The following ANKS1B variants were observed in gnomAD, a reference collection of about 807,000 sequenced individuals.
ANKS1B encodes ankyrin repeat and sterile alpha motif domain-containing protein 1B.
ANKS1B carries 36 observed loss-of-function variants against 148.3 expected under a neutral mutation model. The observed-to-expected ratio is 0.24, with a 90% confidence interval of 0.19 to 0.32. The LOEUF (loss-of-function observed/expected upper bound fraction) is 0.32, where lower values mean the gene tolerates loss of function less well. ANKS1B is among the 10% of genes least tolerant of loss of function. The probability of loss-of-function intolerance (pLI) is 1.00; values close to 1 mark genes in which losing one functional copy is unlikely to be tolerated. For missense variants in ANKS1B, 1,157 were observed against 1,542.6 expected (o/e 0.75, Z 4.19); for synonymous variants, 542 against 560.8 (o/e 0.97, Z 0.47).
chr12:99,168,301 G>A (rs1276997387), intron 14 of ANKS1B, among the ~76,000 whole-genome samples: 1 of 152,192 alleles, frequency 6.6e-6, no homozygotes, highest in African/African-American at 2.4e-5. Context: ...TGGATCGCCT[G>A]AGGTCAAGAG....
chr12:99,847,883 G>T (rs1047195475), intron 1 of ANKS1B, among the ~76,000 whole-genome samples: 5 of 152,060 alleles, frequency 3.3e-5, no homozygotes, highest in African/African-American at 1.2e-4. Flanking sequence ...CTTTCCCTTT[G>T]CTTGACCTAC....
chr12:99,655,164 T>C lies in ANKS1B; in HGVS notation c.1175A>G (p.Glu392Gly). Residue 392 changes from glutamate (E) to glycine (G), a missense_variant, in exon 9 of 27, where the codon GAG (glutamate) becomes GGG (glycine). This residue lies in a region of ANKS1B where 661 missense variants were observed against 642.1 expected (regional missense o/e 1.03). Transcript: ENST00000683438. ...CCCACACGTATTTTCATCATCATCC[T>C]CTTCTTCCACTTCTCCTGGTGACAA... Reference protein sequence around the residue: ...INLSPGEVEEEDDDENTCGPS... With the variant: ...INLSPGEVEEGDDDENTCGPS... 6.2e-7 allele frequency: 1 copy of C among 1,612,536 alleles called. No individual in the cohort carries two copies. The highest frequency in any genetic ancestry group is 1.3e-5 in the African/African-American group (1 of 75,030).
chr12:98,778,708 C>T (rs1052285751), intron 24 of ANKS1B, among the ~76,000 whole-genome samples: 1 of 152,222 alleles, frequency 6.6e-6, no homozygotes, highest in African/African-American at 2.4e-5. Context: ...TCCTCCGTCC[C>T]TTCTGAAGCC....
intron 12 of ANKS1B, among the ~76,000 whole-genome samples, chr12:99,371,211 C>T (rs2093114837): frequency 6.6e-6 from 1 of 152,060 alleles, no homozygotes. Context: ...TTATGCAAAG[C>T]ATTGAATAGT....
At chr12:99,570,428 A>T (rs2097441086) in intron 9 of ANKS1B, among the ~76,000 whole-genome samples, 1 of 152,088 alleles carries the variant, frequency 6.6e-6, no homozygotes, top group Non-Finnish European at 1.5e-5. Context: ...CAGGCAGATC[A>T]CGAGGTCAGG....
At chr12:99,942,072 G>A (rs2094933462) in intron 1 of ANKS1B, among the ~76,000 whole-genome samples, 1 of 152,084 alleles carries the variant, frequency 6.6e-6, no homozygotes, top group African/African-American at 2.4e-5. Context: ...GAAATTGAGA[G>A]CAGACAAGGT....
intron 8 of ANKS1B, among the ~76,000 whole-genome samples, chr12:99,766,104 G>C (rs1451708151): frequency 6.6e-6 from 1 of 152,152 alleles, no homozygotes; most frequent in South Asian, 2.1e-4. Context: ...AATGCATTTT[G>C]CAATGATAAT....
chr12:99,333,765 C>T (rs73143024), intron 12 of ANKS1B, among the ~76,000 whole-genome samples: 308 of 151,704 alleles, frequency 2.0e-3, no homozygotes, highest in Admixed American at 3.4e-3. Context: ...ATCTCCAGCC[C>T]CTTTTCTAGT....
chr12:99,099,139 C>T lies in ANKS1B; in HGVS notation c.2527-14116G>A, dbSNP rs566020146. ...TCACTCCTAGCAGGAGTCTGGGTGC[C>T]GGCAGAGGGAGGGCTTGGGTGGGTC... is the stretch of plus-strand genomic sequence containing the variant. On this transcript the variant is annotated intron_variant, in intron 15 of 26. Transcript: ENST00000683438. Among the ~76,000 whole-genome samples the T allele has an allele frequency of 1.5e-3, 226 of 151,448 alleles. 1 individual carries two copies. Among genetic ancestry groups the T allele is most frequent in the African/African-American group, 5.3e-3 (219 of 41,402 alleles).
intron 17 of ANKS1B, among the ~76,000 whole-genome samples, chr12:98,959,451 C>T (rs2099867659): frequency 6.6e-6 from 1 of 152,170 alleles, no homozygotes; most frequent in Non-Finnish European, 1.5e-5. Flanking sequence ...CTAAGACTTA[C>T]ACATTTGCTC....
intron 1 of ANKS1B, among the ~76,000 whole-genome samples, chr12:99,967,683 C>T (rs1340691213): frequency 6.6e-6 from 1 of 151,526 alleles, no homozygotes; most frequent in Non-Finnish European, 1.5e-5. Flanking sequence ...CTGAGGCGGG[C>T]GGATCACAAG....
At chr12:99,175,570 T>C (rs1462451783) in intron 14 of ANKS1B, among the ~76,000 whole-genome samples, 1 of 152,234 alleles carries the variant, frequency 6.6e-6, no homozygotes, top group Non-Finnish European at 1.5e-5. Flanking sequence ...ATCATCATAA[T>C]TCCTGATTCT....
intron 17 of ANKS1B, among the ~76,000 whole-genome samples, chr12:98,913,320 C>T (rs1567746506): frequency 6.6e-6 from 1 of 152,164 alleles, no homozygotes; most frequent in Non-Finnish European, 1.5e-5. Flanking sequence ...ACCTCAACCC[C>T]TCCTCCTTGA....
At chr12:98,797,599 T>C (rs1171757804) in intron 22 of ANKS1B, among the ~76,000 whole-genome samples, 2 of 152,324 alleles carry the variant, frequency 1.3e-5, no homozygotes, top group Non-Finnish European at 2.9e-5. Flanking sequence ...AAATATTCAC[T>C]GGTACTGACA....
intron 12 of ANKS1B, among the ~76,000 whole-genome samples, chr12:99,390,146 T>G (rs971037371): frequency 6.6e-6 from 1 of 152,216 alleles, no homozygotes; most frequent in African/African-American, 2.4e-5. Flanking sequence ...AATACCCACA[T>G]GTATTAAGCA....
chr12:99,194,937 TCTTTA>T (rs1284336458), intron 14 of ANKS1B, among the ~76,000 whole-genome samples: 4 of 152,154 alleles, frequency 2.6e-5, no homozygotes, highest in Non-Finnish European at 5.9e-5. Context: ...AACACCATTT[TCTTTA>T]CTTCTGTATA....
At chr12:99,179,131 A>T (rs1042469833) in intron 14 of ANKS1B, among the ~76,000 whole-genome samples, 2 of 151,786 alleles carry the variant, frequency 1.3e-5, no homozygotes, top group Non-Finnish European at 3.0e-5. Flanking sequence ...CTTAGGAAGG[A>T]TATAAATTTA....
In ANKS1B at chr12:99,356,535, C is replaced by A. The variant is rs544828386; in HGVS notation, c.1756+43096G>T. Among the ~76,000 whole-genome samples the A allele has an allele frequency of 5.3e-5, 8 of 152,224 alleles. 1 individual carries two copies. Among genetic ancestry groups the A allele is most frequent in the Admixed American group, 5.2e-4 (8 of 15,278 alleles). On this transcript the variant is annotated intron_variant, in intron 12 of 26. Coordinates refer to ENST00000683438, the MANE Select transcript of ANKS1B (RefSeq NM_001352186.2). ...AATTGACCAAGCTGAACGTTGTACA[C>A]GCTGGCAAAGGAAAATATTTAAAGG...
intron 1 of ANKS1B, among the ~76,000 whole-genome samples, chr12:99,858,375 T>G (rs999341448): frequency 6.6e-6 from 1 of 151,890 alleles, no homozygotes; most frequent in Non-Finnish European, 1.5e-5. Flanking sequence ...AAAAAAATAA[T>G]AGATGGTGGT....
Sources: allele counts gnomAD v4.1 joint callset (sites outside exome capture counted in the v4.1 genomes callset), GRCh38; gene constraint gnomAD v4.1.1; regional missense constraint gnomAD v4.1.1; transcripts MANE v1.5; gene names NCBI Gene and HGNC (gene_info 2026-07-23, HGNC 2026-07-21).